The following TXNRD3 variants were observed in gnomAD, a reference collection of about 807,000 sequenced individuals.
TXNRD3 encodes TXNRD3 neighbor gene protein.
Under a neutral mutation model 78.2 loss-of-function variants are expected in TXNRD3, and 68 were observed. That is an observed-to-expected ratio of 0.87 (90% confidence interval 0.72 to 1.06). TXNRD3 has a LOEUF of 1.06. TXNRD3 is among the 50% of genes least tolerant of loss of function. The pLI is 0.00. For synonymous variants in TXNRD3, 296 were observed against 300.1 expected (o/e 0.99, Z 0.14); for missense variants, 751 against 809.5 (o/e 0.93, Z 0.88).
In TXNRD3 at chr3:126,621,777, G is replaced by A; in HGVS notation, c.1489C>T (p.Leu497=). The change falls in exon 12 of 16, where the codon CTA becomes TTA. Residue 497 remains leucine, a synonymous_variant. Coordinates refer to ENST00000524230, the MANE Select transcript of TXNRD3 (RefSeq NM_052883.3). ...GAGGCCCCAAAAAGTCTCTGAGCTA[G>A]CAGCTTGCCTGACTGTATGGCGACA... 7 of 1,528,404 alleles carry A rather than the reference G, an allele frequency of 4.6e-6. No homozygotes were observed. The highest frequency in any genetic ancestry group is 6.1e-6 in the Non-Finnish European group (7 of 1,144,758). 94.7% of individuals were successfully genotyped at this position (1,528,404 alleles called of 1,614,324 possible).
chr3:126,622,258 T>C (rs1359853557), intron 11 of TXNRD3, among the ~76,000 whole-genome samples: 1 of 152,248 alleles, frequency 6.6e-6, no homozygotes, highest in African/African-American at 2.4e-5. Context: ...CTTAAAGTCA[T>C]TGTTTAATAT....
intron 6 of TXNRD3, among the ~76,000 whole-genome samples, chr3:126,636,748 A>G (rs1938871498): frequency 6.6e-6 from 1 of 152,138 alleles, no homozygotes; most frequent in Non-Finnish European, 1.5e-5. Context: ...ATCTTTCTGT[A>G]TCATGGTTAT....
chr3:126,654,952 CT>C lies in TXNRD3; in HGVS notation c.38del (p.Lys13ArgfsTer57). The C allele has an allele frequency of 7.7e-7, 1 of 1,296,754 alleles. No individual in the cohort carries two copies. Among genetic ancestry groups the C allele is most frequent in the Non-Finnish European group, 9.7e-7 (1 of 1,027,758 alleles). 80.3% of individuals were successfully genotyped at this position (1,296,754 alleles called of 1,614,324 possible). ...AGCGGCGGTTGGGGGCATCGCCCGC[CT>C]TTCCCGGCCCGGGCGACTGCGGCGG... is the stretch of plus-strand genomic sequence containing the variant. On this transcript the variant is annotated frameshift_variant, in exon 1 of 16. Coordinates refer to ENST00000524230, the MANE Select transcript of TXNRD3 (RefSeq NM_052883.3). LOFTEE classifies it high-confidence loss of function.
Position 126,621,772 on chromosome 3 carries a change from A to G in TXNRD3, c.1494T>C (p.Ala498=), listed in dbSNP as rs1392924205. ...CTAAAGAGGCCCCAAAAAGTCTCTG[A>G]GCTAGCAGCTTGCCTGACTGTATGG... The change falls in exon 12 of 16, where the codon GCT becomes GCC. Residue 498 remains alanine, a synonymous_variant. Coordinates refer to ENST00000524230, the MANE Select transcript of TXNRD3 (RefSeq NM_052883.3). 6.6e-7 allele frequency: 1 copy of G among 1,525,598 alleles called. No homozygotes were observed. The highest frequency in any genetic ancestry group is 2.4e-5 in the East Asian group (1 of 40,832). The allele number at this position is 1,525,598 out of a possible 1,614,324, so 94.5% of individuals were successfully genotyped here.
chr3:126,626,428 T>C (rs986351171), intron 10 of TXNRD3, among the ~76,000 whole-genome samples: 5 of 152,206 alleles, frequency 3.3e-5, no homozygotes, highest in African/African-American at 7.2e-5. Flanking sequence ...CCAAGATATA[T>C]AGAAGCCCTG....
At chr3:126,639,561 G>A (rs1933005193) in intron 6 of TXNRD3, among the ~76,000 whole-genome samples, 1 of 151,944 alleles carries the variant, frequency 6.6e-6, no homozygotes, top group South Asian at 2.1e-4. Context: ...AAGGGTTTAG[G>A]GAAAAGAAAG....
At chr3:126,639,968 A>G (rs1933024217) in intron 6 of TXNRD3, among the ~76,000 whole-genome samples, 1 of 152,120 alleles carries the variant, frequency 6.6e-6, no homozygotes, top group African/African-American at 2.4e-5. Context: ...CATTTTATCT[A>G]CAACCAGCTG....
At chr3:126,650,633 C>T (rs567719149) in intron 1 of TXNRD3, among the ~76,000 whole-genome samples, 158 of 151,562 alleles carry the variant, frequency 1.0e-3, no homozygotes, top group African/African-American at 3.6e-3. Flanking sequence ...AGAGCAAGAC[C>T]CCATCTCAGA....
At chr3:126,645,317 G>C (rs989715807) in intron 3 of TXNRD3, among the ~76,000 whole-genome samples, 2 of 152,202 alleles carry the variant, frequency 1.3e-5, no homozygotes, top group African/African-American at 4.8e-5. Context: ...TGCATCTACA[G>C]ATTTATTCTT....
In TXNRD3 at chr3:126,615,385, A is replaced by C; in HGVS notation, c.1602T>G (p.Ala534=). ...GATTCTCTTTTTTATATACTTCAAT[A>C]GCTTTCTCTTCAGATAATCCACAGC... The change falls in exon 13 of 16, where the codon GCT becomes GCG. Residue 534 remains alanine, a synonymous_variant. Coordinates refer to ENST00000524230, the MANE Select transcript of TXNRD3 (RefSeq NM_052883.3). 1 of 1,513,194 alleles carries C rather than the reference A, an allele frequency of 6.6e-7. No homozygotes were observed. Among genetic ancestry groups the C allele is most frequent in the Non-Finnish European group, 8.8e-7 (1 of 1,135,436 alleles). The allele number at this position is 1,513,194 out of a possible 1,614,324, so 93.7% of individuals were successfully genotyped here.
chr3:126,651,880 G>T (rs1933399437), intron 1 of TXNRD3, among the ~76,000 whole-genome samples: 1 of 152,130 alleles, frequency 6.6e-6, no homozygotes, highest in Admixed American at 6.5e-5. Flanking sequence ...ATTTTCAGGA[G>T]CTAAAACAGG....
chr3:126,642,183 T>C, intron 5 of TXNRD3, 32 bp from the exon 6 acceptor site: 1 of 1,520,782 alleles, frequency 6.6e-7, no homozygotes, highest in Admixed American at 2.1e-5. Context: ...AATGCTTCTT[T>C]GTGTGTCTAG....
At chr3:126,614,231 C>A (rs1938263375) in intron 13 of TXNRD3, among the ~76,000 whole-genome samples, 1 of 152,110 alleles carries the variant, frequency 6.6e-6, no homozygotes. Context: ...CATTTTCAGT[C>A]CTGTCAAAAT....
intron 14 of TXNRD3, among the ~76,000 whole-genome samples, chr3:126,608,861 C>G (rs1024550488): frequency 6.6e-6 from 1 of 152,174 alleles, no homozygotes; most frequent in African/African-American, 2.4e-5. Flanking sequence ...TTTACTAGAA[C>G]AAGCAATTTA....
chr3:126,633,803 G>A (rs1279630648), intron 7 of TXNRD3, 106 bp downstream of exon 7: 14 of 773,648 alleles, frequency 1.8e-5, no homozygotes, highest in South Asian at 1.1e-4. Flanking sequence ...GTGTGTGCAC[G>A]CACGCCTGTT....
Position 126,654,907 on chromosome 3 carries a change from C to T in TXNRD3, c.84G>A (p.Ala28=). The T allele has an allele frequency of 7.6e-7, 1 of 1,310,500 alleles. No homozygotes were observed. Among genetic ancestry groups the T allele is most frequent in the Non-Finnish European group, 9.6e-7 (1 of 1,038,112 alleles). The allele number at this position is 1,310,500 out of a possible 1,614,324, so 81.2% of individuals were successfully genotyped here. A position where few individuals can be genotyped will look rare whatever the true frequency, so the allele number is the denominator to read the frequency against. Residue 28 remains alanine, a synonymous_variant, in exon 1 of 16, where the codon GCG becomes GCA. Coordinates refer to ENST00000524230, the MANE Select transcript of TXNRD3 (RefSeq NM_052883.3). ...GGCGCCCCGGCGGCGACAACACGCG[C>T]GCCCCTCGGACATGGCCCGAGCGGC...
chr3:126,609,217 T>A, intron 14 of TXNRD3: 1 of 413,156 alleles, frequency 2.4e-6, no homozygotes, highest in South Asian at 1.7e-5. Flanking sequence ...CAATGTTCCT[T>A]CATCAGATTA....
chr3:126,637,425 A>G (rs1010801751), intron 6 of TXNRD3, among the ~76,000 whole-genome samples: 9 of 152,186 alleles, frequency 5.9e-5, no homozygotes, highest in Admixed American at 5.2e-4. Context: ...GCTAACATTA[A>G]TTTCTGAGTT....
At chr3:126,620,387 A>T (rs1275531939) in intron 12 of TXNRD3, among the ~76,000 whole-genome samples, 3 of 152,064 alleles carry the variant, frequency 2.0e-5, no homozygotes, top group Admixed American at 6.5e-5. Context: ...AACTTCTCAG[A>T]TATGGCAACA....
Sources: allele counts gnomAD v4.1 joint callset (sites outside exome capture counted in the v4.1 genomes callset), GRCh38; gene constraint gnomAD v4.1.1; transcripts MANE v1.5; gene names NCBI Gene and HGNC (gene_info 2026-07-23, HGNC 2026-07-21).